The following RGSL1 variants were observed in gnomAD, a reference collection of about 807,000 sequenced individuals.
The protein encoded by RGSL1 is regulator of G protein signaling like 1.
RGSL1 carries 97 observed loss-of-function variants against 124.7 expected under a neutral mutation model. That is an observed-to-expected ratio of 0.78 (90% CI 0.66 to 0.92). The LOEUF (loss-of-function observed/expected upper bound fraction) is 0.92, where lower values mean the gene tolerates loss of function less well. Ranked by LOEUF, RGSL1 falls within the 40% of genes least tolerant of loss-of-function variation. The probability of loss-of-function intolerance (pLI) is 0.00; values close to 1 mark genes in which losing one functional copy is unlikely to be tolerated. For missense variants in RGSL1, 1,233 were observed against 1,288.4 expected (o/e 0.96, Z 0.66); for synonymous variants, 424 against 438.1 (o/e 0.97, Z 0.40).
At chr1:182,557,539 G>C (rs574562809) in intron 21 of RGSL1, among the ~76,000 whole-genome samples, 3 of 152,140 alleles carry the variant, frequency 2.0e-5, no homozygotes, top group Non-Finnish European at 4.4e-5. Context: ...CATTGGAGTG[G>C]GACATGGGTG....
chr1:182,536,700 GC>G (rs1659564353), intron 14 of RGSL1, among the ~76,000 whole-genome samples: 1 of 152,206 alleles, frequency 6.6e-6, no homozygotes, highest in Admixed American at 6.5e-5. Context: ...ATGGCAGAAG[GC>G]TAGGAGGAGC....
intron 10 of RGSL1, among the ~76,000 whole-genome samples, chr1:182,526,694 C>T (rs1393202060): frequency 6.6e-6 from 1 of 151,988 alleles, no homozygotes; most frequent in Non-Finnish European, 1.5e-5. Flanking sequence ...ATGCAAAAAC[C>T]AGTTAATACA....
chr1:182,522,140 C>A (rs1428625927), intron 10 of RGSL1, 31 bp downstream of exon 10: 2 of 1,433,730 alleles, frequency 1.4e-6, no homozygotes, highest in African/African-American at 1.4e-5. Flanking sequence ...ACAGCAACAT[C>A]TTCAGGTACA....
At chr1:182,513,238 G>A (rs886799621) in intron 9 of RGSL1, among the ~76,000 whole-genome samples, 5 of 152,198 alleles carry the variant, frequency 3.3e-5, no homozygotes, top group African/African-American at 4.8e-5. Flanking sequence ...CTGCTGACAG[G>A]GGGCATTGTT....
intron 4 of RGSL1, among the ~76,000 whole-genome samples, chr1:182,462,763 A>G (rs1652951871): frequency 6.6e-6 from 1 of 152,258 alleles, no homozygotes; most frequent in African/African-American, 2.4e-5. Flanking sequence ...ACTGAAATTA[A>G]GCTGATATAA....
intron 18 of RGSL1, among the ~76,000 whole-genome samples, chr1:182,551,775 A>T (rs771322952): frequency 1.3e-5 from 2 of 152,218 alleles, no homozygotes; most frequent in Non-Finnish European, 2.9e-5. Flanking sequence ...CATGCACCAC[A>T]TAATGATGTT....
intron 9 of RGSL1, among the ~76,000 whole-genome samples, chr1:182,508,290 G>GTTTTTTTTTTTTT (rs58641894): frequency 1.9e-5 from 1 of 53,784 alleles, no homozygotes; most frequent in African/African-American, 7.9e-5. Flanking sequence ...TGGTGGTGGT[G>GTTTTTTTTTTTTT]TTTTTTTTTT....
intron 15 of RGSL1, among the ~76,000 whole-genome samples, chr1:182,543,620 ATAT>A (rs1416403324): frequency 6.6e-6 from 1 of 152,016 alleles, no homozygotes; most frequent in African/African-American, 2.4e-5. Flanking sequence ...AGCAGAAGTA[ATAT>A]TAGTTTTTAT....
intron 10 of RGSL1, among the ~76,000 whole-genome samples, chr1:182,523,208 CTTTTT>C (rs560766193): frequency 1.4e-5 from 2 of 147,148 alleles, no homozygotes; most frequent in African/African-American, 5.0e-5. Context: ...GTTTTTTTTT[CTTTTT>C]TTTTTTTTCT....
chr1:182,540,156 C>G, intron 14 of RGSL1, 91 bp from the exon 15 acceptor site: 1 of 1,264,116 alleles, frequency 7.9e-7, no homozygotes, highest in Non-Finnish European at 1.1e-6. Context: ...GATGGATCCA[C>G]AGTCTCCTTT....
Position 182,455,541 on chromosome 1 carries a change from C to T in RGSL1, c.96+1501C>T, listed in dbSNP as rs150356028. The stretch of plus-strand genomic sequence containing the variant: ...AGGTTGCAGTGAGCCGAGATTGCAC[C>T]ACTGCACTCCAGCCTAAGTGACAGA... On this transcript the variant is annotated intron_variant, in intron 2 of 21. Transcript: ENST00000294854. Among the ~76,000 whole-genome samples the T allele has an allele frequency of 7.9e-3, 1,195 of 151,816 alleles. 11 individuals carry two copies. Among genetic ancestry groups the T allele is most frequent in the Middle Eastern group, 0.014 (4 of 294 alleles).
chr1:182,486,869 T>C (rs1655138072), intron 6 of RGSL1, among the ~76,000 whole-genome samples: 1 of 152,008 alleles, frequency 6.6e-6, no homozygotes, highest in Admixed American at 6.6e-5. Flanking sequence ...GAGACGGGGT[T>C]TCTCCATGTT....
At chr1:182,459,220 G>C (rs1464625124) in intron 3 of RGSL1, among the ~76,000 whole-genome samples, 1 of 152,136 alleles carries the variant, frequency 6.6e-6, no homozygotes, top group Non-Finnish European at 1.5e-5. Flanking sequence ...CCAGAGGCAT[G>C]TTTTTCTCCC....
chr1:182,534,579 G>A (rs1242282479), intron 14 of RGSL1, among the ~76,000 whole-genome samples: 1 of 152,218 alleles, frequency 6.6e-6, no homozygotes, highest in African/African-American at 2.4e-5. Context: ...TGTAATCTCA[G>A]TAGTTTGGTA....
chr1:182,487,250 A>G (rs768681213), intron 6 of RGSL1, among the ~76,000 whole-genome samples: 1 of 152,138 alleles, frequency 6.6e-6, no homozygotes, highest in Non-Finnish European at 1.5e-5. Flanking sequence ...GCTGGCGGAG[A>G]TAATCTTACA....
At chr1:182,498,797 T>TC (rs1335203222) in intron 9 of RGSL1, among the ~76,000 whole-genome samples, 2 of 4,784 alleles carry the variant, frequency 4.2e-4, no homozygotes. Context: ...CCTTTGTTTG[T>TC]TTGTTTTTTT....
chr1:182,463,599 A>T (rs538849965), intron 4 of RGSL1, among the ~76,000 whole-genome samples: 301 of 152,248 alleles, frequency 2.0e-3, no homozygotes, highest in Non-Finnish European at 2.8e-3. Flanking sequence ...TTTAAGTTTT[A>T]AAAAAAGTTT....
At chr1:182,516,739 C>T (rs1164433879) in intron 9 of RGSL1, among the ~76,000 whole-genome samples, 2 of 152,222 alleles carry the variant, frequency 1.3e-5, no homozygotes, top group Non-Finnish European at 1.5e-5. Flanking sequence ...AATTTTTACA[C>T]TTTAACTCCA....
intron 6 of RGSL1, among the ~76,000 whole-genome samples, chr1:182,484,436 G>A (rs879629274): frequency 2.0e-5 from 3 of 152,146 alleles, no homozygotes; most frequent in Non-Finnish European, 4.4e-5. Context: ...ATGAGAATAT[G>A]TGACTGCTCT....
Sources: gnomAD v4.1 joint callset for allele counts (sites outside exome capture counted in the v4.1 genomes callset) on GRCh38, gnomAD v4.1.1 for gene constraint, MANE v1.5 for transcripts, NCBI Gene and HGNC (gene_info 2026-07-23, HGNC 2026-07-21) for gene names.